Variants in RAB7A observed in about 807,000 individuals in gnomAD.
RAB7A encodes the protein ras-related protein Rab-7a.
Under a neutral mutation model 24.5 loss-of-function variants are expected in RAB7A, and 2 were observed. That is an observed-to-expected ratio of 0.08 (90% confidence interval 0.03 to 0.26). The LOEUF is 0.26. RAB7A is among the 10% of genes least tolerant of loss of function. The pLI is 1.00. For missense variants in RAB7A, 118 were observed against 255.7 expected (o/e 0.46, Z 3.67); for synonymous variants, 100 against 95.9 (o/e 1.04, Z -0.25).
At chr3:128,804,713 C>T (rs1339158354) in intron 3 of RAB7A, among the ~76,000 whole-genome samples, 6 of 152,134 alleles carry the variant, frequency 3.9e-5, no homozygotes. Context: ...ATTGGTTCCA[C>T]CTAACAGTAA....
In RAB7A at chr3:128,784,654, G is replaced by T. The variant is rs113755158; in HGVS notation, c.-8-10706G>T. Reference sequence around the variant, plus strand: ...ATTTTCATATCCCCCTCCAAGTAAGGCCTTGCATGTGCGTTCTTTAAGGAA... The same window carrying T: ...ATTTTCATATCCCCCTCCAAGTAAGTCCTTGCATGTGCGTTCTTTAAGGAA... On this transcript the variant is annotated intron_variant, in intron 1 of 5. Transcript: ENST00000265062. Among the ~76,000 whole-genome samples the T allele has an allele frequency of 7.7e-3, 1,166 of 152,260 alleles. 5 individuals are homozygous for T. The highest frequency in any genetic ancestry group is 0.014 in the Middle Eastern group (4 of 294).
chr3:128,796,031 G>A (rs537231992), intron 2 of RAB7A, among the ~76,000 whole-genome samples: 17 of 152,084 alleles, frequency 1.1e-4, no homozygotes, highest in South Asian at 2.1e-4. Flanking sequence ...GATTACAGGC[G>A]TGAGCCACCG....
chr3:128,783,205 C>T (rs1448486556), intron 1 of RAB7A, among the ~76,000 whole-genome samples: 11 of 119,884 alleles, frequency 9.2e-5, no homozygotes, highest in Non-Finnish European at 1.6e-4. Flanking sequence ...ATTTATCCCC[C>T]GCCCCCCCGC....
intron 1 of RAB7A, among the ~76,000 whole-genome samples, chr3:128,729,238 C>T (rs1055409227): frequency 6.6e-6 from 1 of 151,992 alleles, no homozygotes; most frequent in Non-Finnish European, 1.5e-5. Context: ...ACCCCACTGC[C>T]AAGTGAAGCC....
At chr3:128,748,649 C>G (rs1466446863) in intron 1 of RAB7A, 1 of 152,302 alleles carries the variant, frequency 6.6e-6, no homozygotes, top group Non-Finnish European at 1.5e-5. Flanking sequence ...CTGTGTCTTT[C>G]CGTGGACTTG....
chr3:128,765,165 G>T, intron 1 of RAB7A: 1 of 697,496 alleles, frequency 1.4e-6, no homozygotes, highest in Non-Finnish European at 2.6e-6. Context: ...GCTGGGTTCC[G>T]TCCAAGCACT....
intron 1 of RAB7A, among the ~76,000 whole-genome samples, chr3:128,755,320 A>C (rs1415798673): frequency 6.6e-6 from 1 of 152,208 alleles, no homozygotes. Context: ...CAGACAGAAA[A>C]TAAAACATTG....
chr3:128,776,391 C>A (rs1391979132), intron 1 of RAB7A, among the ~76,000 whole-genome samples: 2 of 152,008 alleles, frequency 1.3e-5, no homozygotes, highest in African/African-American at 2.4e-5. Context: ...TCCCTTAGGG[C>A]CCAGCTGCCT....
At chr3:128,786,486 A>C (rs141030957) in intron 1 of RAB7A, among the ~76,000 whole-genome samples, 1 of 152,224 alleles carries the variant, frequency 6.6e-6, no homozygotes. Flanking sequence ...TTTGAGGGCA[A>C]GATGACTGCT....
chr3:128,760,844 G>T lies in RAB7A; in HGVS notation c.-9+34485G>T, dbSNP rs376047206. 1.5e-4 allele frequency among the ~76,000 whole-genome samples: 23 copies of T among 152,132 alleles called. No homozygotes were observed. The East Asian group carries it at 4.1e-3, about 27-fold the overall frequency. ...TAGGCAAAATCATGTCATTTCCACTGCCGGTCCCATAGCGACTTCAGTTAA... is the reference window on the plus strand; with the variant it reads ...TAGGCAAAATCATGTCATTTCCACTTCCGGTCCCATAGCGACTTCAGTTAA... On this transcript the variant is annotated intron_variant, in intron 1 of 5. Transcript: ENST00000265062.
At chr3:128,742,701 G>A (rs960408540) in intron 1 of RAB7A, among the ~76,000 whole-genome samples, 1 of 152,122 alleles carries the variant, frequency 6.6e-6, no homozygotes, top group Non-Finnish European at 1.5e-5. Flanking sequence ...TAGATACAGA[G>A]TGCTGATTGG....
In RAB7A at chr3:128,798,072, A is replaced by G; in HGVS notation, c.180+3A>G. 6.2e-7 allele frequency: 1 copy of G among 1,613,938 alleles called. No individual in the cohort carries two copies. Among genetic ancestry groups the G allele is most frequent in the Non-Finnish European group, 8.5e-7 (1 of 1,179,842 alleles). On this transcript the variant is annotated splice_donor_region_variant and intron_variant, in intron 3 of 5. Coordinates refer to ENST00000265062, the MANE Select transcript of RAB7A (RefSeq NM_004637.6). ...ATGACAGGCTAGTCACAATGCAGGTAAGCACATGTCTTGGCTGTGCTGACC... is the reference window on the plus strand; with the variant it reads ...ATGACAGGCTAGTCACAATGCAGGTGAGCACATGTCTTGGCTGTGCTGACC...
chr3:128,794,584 C>T (rs925221727), intron 1 of RAB7A, among the ~76,000 whole-genome samples: 4 of 151,454 alleles, frequency 2.6e-5, no homozygotes, highest in African/African-American at 9.8e-5. Context: ...GTCACTGAGT[C>T]ATACCCTGGC....
At chr3:128,812,952 C>T (rs1663110503) in intron 5 of RAB7A, among the ~76,000 whole-genome samples, 1 of 152,170 alleles carries the variant, frequency 6.6e-6, no homozygotes, top group African/African-American at 2.4e-5. Flanking sequence ...CATTGTTAAC[C>T]ATTGGCAACT....
chr3:128,807,514 G>GC, intron 4 of RAB7A, 29 bp from the exon 5 acceptor site: 1 of 1,613,400 alleles, frequency 6.2e-7, no homozygotes, highest in Non-Finnish European at 8.5e-7. Flanking sequence ...TCTGTCATGA[G>GC]CCTATGTGCA....
chr3:128,730,542 A>G (rs1010359181), intron 1 of RAB7A, among the ~76,000 whole-genome samples: 9 of 152,226 alleles, frequency 5.9e-5, no homozygotes, highest in African/African-American at 2.2e-4. Flanking sequence ...ACTTATTTTT[A>G]AAACATTTCT....
At chr3:128,747,889 T>C (rs2070634659) in intron 1 of RAB7A, among the ~76,000 whole-genome samples, 1 of 151,548 alleles carries the variant, frequency 6.6e-6, no homozygotes, top group African/African-American at 2.4e-5. Flanking sequence ...TGCCTCAGCC[T>C]CCCAAGTAGT....
chr3:128,764,753 G>A (rs1304123263), intron 1 of RAB7A: 2 of 812,682 alleles, frequency 2.5e-6, no homozygotes, highest in African/African-American at 3.3e-5. Context: ...TCACAGACTG[G>A]TTTCTTGATA....
chr3:128,789,265 G>T (rs1372623765), intron 1 of RAB7A, among the ~76,000 whole-genome samples: 1 of 151,338 alleles, frequency 6.6e-6, no homozygotes, highest in Non-Finnish European at 1.5e-5. Context: ...ATTCTCCTGT[G>T]AGAGGAAGTG....
Sources: gnomAD v4.1 joint callset for allele counts (sites outside exome capture counted in the v4.1 genomes callset) on GRCh38, gnomAD v4.1.1 for gene constraint, MANE v1.5 for transcripts, NCBI Gene and HGNC (gene_info 2026-07-23, HGNC 2026-07-21) for gene names.